MIS18BP1: variants seen among roughly 807,000 people sequenced by gnomAD.
MIS18BP1 encodes mis18-binding protein 1.
Under a neutral mutation model 116.1 loss-of-function variants are expected in MIS18BP1, and 72 were observed. The observed-to-expected ratio is 0.62, with a 90% CI of 0.51 to 0.75. The LOEUF is 0.75. Among genes scored for constraint, MIS18BP1 ranks in the 30% least tolerant of loss-of-function variants. The probability of loss-of-function intolerance (pLI) is 0.00; values close to 1 mark genes in which losing one functional copy is unlikely to be tolerated. For missense variants in MIS18BP1, 1,363 were observed against 1,303.2 expected, an observed-to-expected ratio of 1.05 and a Z score of -0.71; for synonymous variants, 386 against 427.0, an observed-to-expected ratio of 0.90 and a Z score of 1.18.
At chr14:45,252,875 C>G (rs1891917989) in intron 1 of MIS18BP1, among the ~76,000 whole-genome samples, 160 bp downstream of exon 1, 1 of 152,060 alleles carries the variant, frequency 6.6e-6, no homozygotes, top group African/African-American at 2.4e-5. Flanking sequence ...AGACACGCAA[C>G]AAGTAAACAT....
intron 5 of MIS18BP1, 85 bp from the exon 6 acceptor site, chr14:45,236,029 C>CA (rs1412601648): frequency 8.3e-7 from 1 of 1,207,606 alleles, no homozygotes; most frequent in Admixed American, 2.5e-5. Flanking sequence ...TTAGCTACAG[C>CA]AACACTAAGA....
At chr14:45,216,872 G>C in intron 13 of MIS18BP1, 147 bp downstream of exon 13, 1 of 799,632 alleles carries the variant, frequency 1.3e-6, no homozygotes, top group Non-Finnish European at 1.9e-6. Context: ...GCATATATCA[G>C]CACATTGTTT....
chr14:45,228,952 G>T (rs1891202032), intron 8 of MIS18BP1, among the ~76,000 whole-genome samples: 1 of 151,778 alleles, frequency 6.6e-6, no homozygotes, highest in South Asian at 2.1e-4. Context: ...TTTTTTTCAT[G>T]CAAAGTGCAA....
intron 11 of MIS18BP1, among the ~76,000 whole-genome samples, chr14:45,222,095 T>G (rs545143847): frequency 1.2e-4 from 18 of 152,352 alleles, no homozygotes; most frequent in Admixed American, 3.3e-4. Context: ...TTAGACGGTA[T>G]TTTTCTATCC....
rs747234494 is a variant in MIS18BP1, at chr14:45,206,129, T to C, written c.3194A>G (p.His1065Arg). 34 of 1,609,088 alleles carry C rather than the reference T, an allele frequency of 2.1e-5. No homozygotes were observed. The highest frequency in any genetic ancestry group is 2.9e-5 in the Non-Finnish European group (34 of 1,176,152). Reference protein sequence around the residue: ...DKYVFRMQKYHKSNGGIVWGN... With the variant: ...DKYVFRMQKYRKSNGGIVWGN... The stretch of plus-strand genomic sequence containing the variant: ...CCAGACAATACCACCATTACTTTTA[T>C]GATATTTTTGCATACGAAAAACATA... The change falls in exon 15 of 17, where the codon CAT (histidine) becomes CGT (arginine). Residue 1065 changes from histidine to arginine, a missense_variant. Transcript: ENST00000310806.
At chr14:45,230,053 A>G (rs1272511116) in intron 8 of MIS18BP1, among the ~76,000 whole-genome samples, 1 of 152,210 alleles carries the variant, frequency 6.6e-6, no homozygotes, top group Non-Finnish European at 1.5e-5. Context: ...GAGTGGTTAG[A>G]ATAGGATACA....
Position 45,242,319 on chromosome 14 carries a change from C to T in MIS18BP1, c.858G>A (p.Glu286=). The change falls in exon 4 of 17, where the codon GAG becomes GAA. Residue 286 remains glutamate, a synonymous_variant. Coordinates refer to ENST00000310806, the MANE Select transcript of MIS18BP1 (RefSeq NM_018353.5). The stretch of plus-strand genomic sequence containing the variant: ...TAGGAATACAATTAGTACTGAGAGT[C>T]TCAGCATTAGTATTTTGAAATTGTT... ...ADEQFQNTNA[E]TLSTNCIPIK... 1 of 1,614,022 alleles carries T rather than the reference C, an allele frequency of 6.2e-7. No individual in the cohort carries two copies. The highest frequency in any genetic ancestry group is 1.1e-5 in the South Asian group (1 of 91,076).
intron 4 of MIS18BP1, among the ~76,000 whole-genome samples, 191 bp from the exon 5 acceptor site, chr14:45,237,912 A>ATGT (rs1891472353): frequency 6.6e-6 from 1 of 152,170 alleles, no homozygotes; most frequent in African/African-American, 2.4e-5. Context: ...ACAGAAAAGA[A>ATGT]AAGACTGAAT....
Position 45,242,150 on chromosome 14 carries a change from C to A in MIS18BP1, c.1027G>T (p.Val343Leu). ...PGSMKDTCKI[V>L]LATPRLHITI... is the part of the protein sequence containing the mutation. ...ATATGAAGTCTTGGTGTTGCAAGTA[C>A]AATTTTACATGTATCTTTCATGGAA... Residue 343 changes from valine to leucine, a missense_variant, in exon 4 of 17, where the codon GTA (valine) becomes TTA (leucine). Val to Leu is a conservative substitution (Grantham distance 32, BLOSUM62 1). Coordinates refer to ENST00000310806, the MANE Select transcript of MIS18BP1 (RefSeq NM_018353.5). 1.9e-6 allele frequency: 3 copies of A among 1,614,036 alleles called. No individual in the cohort carries two copies. Among genetic ancestry groups the A allele is most frequent in the Non-Finnish European group, 2.5e-6 (3 of 1,179,996 alleles).
At chr14:45,210,097 C>A in intron 14 of MIS18BP1, 1 of 236,686 alleles carries the variant, frequency 4.2e-6, no homozygotes, top group Admixed American at 5.5e-5. Context: ...AATAATTCTC[C>A]AAGGTTTCTT....
chr14:45,228,852 A>G (rs1891196784), intron 8 of MIS18BP1, among the ~76,000 whole-genome samples: 1 of 152,242 alleles, frequency 6.6e-6, no homozygotes, highest in South Asian at 2.1e-4. Context: ...GCAAATCATT[A>G]AAACACATAC....
intron 5 of MIS18BP1, among the ~76,000 whole-genome samples, chr14:45,236,936 A>G (rs1011397586): frequency 6.6e-6 from 1 of 152,184 alleles, no homozygotes; most frequent in African/African-American, 2.4e-5. Context: ...CATAAAGCAG[A>G]CAGATAAAGA....
At chr14:45,210,304 G>C (rs1890640030) in intron 14 of MIS18BP1, 76 bp downstream of exon 14, 2 of 1,424,938 alleles carry the variant, frequency 1.4e-6, no homozygotes, top group Admixed American at 4.2e-5. Flanking sequence ...TGGCATCTAT[G>C]GTCCTCATGA....
At position 45,242,171 on chromosome 14, in the gene MIS18BP1, T is replaced by G; in HGVS notation, c.1006A>C (p.Met336Leu). Residue 336 changes from methionine (M) to leucine (L), a missense_variant, in exon 4 of 17, where the codon ATG becomes CTG. Physicochemically the swap from Met to Leu is conservative, Grantham distance 15 (BLOSUM62 2). Transcript: ENST00000310806. ...VPGETGLPGSMKDTCKIVLAT... is the reference protein window; with the variant it reads ...VPGETGLPGSLKDTCKIVLAT... ...AGTACAATTTTACATGTATCTTTCA[T>G]GGAACCTGGAAGACCTGTCTCTCCA... The G allele has an allele frequency of 6.2e-7, 1 of 1,614,146 alleles. No homozygotes were observed. Among genetic ancestry groups the G allele is most frequent in the Non-Finnish European group, 8.5e-7 (1 of 1,180,012 alleles).
rs148191206 is a variant in MIS18BP1, at chr14:45,229,895, A to C, written c.1594+1246T>G. ...AAATAGGATGACTTTTGATAAAAAG[A>C]GGAAGGGTTGAGAAGGAACTAGGGC... On this transcript the variant is annotated intron_variant, in intron 8 of 16. Transcript: ENST00000310806. 6.5e-4 allele frequency among the ~76,000 whole-genome samples: 99 copies of C among 152,330 alleles called. 1 individual carries two copies. The East Asian group carries it at 0.018, about 28-fold the overall frequency.
intron 13 of MIS18BP1, among the ~76,000 whole-genome samples, chr14:45,215,528 T>G (rs566078241): frequency 1.4e-4 from 22 of 152,246 alleles, no homozygotes; most frequent in African/African-American, 5.1e-4. Context: ...TTCTCCTGCC[T>G]CAGCCTCCCA....
chr14:45,229,633 GATA>G (rs1891221268), intron 8 of MIS18BP1, among the ~76,000 whole-genome samples: 1 of 152,040 alleles, frequency 6.6e-6, no homozygotes, highest in Admixed American at 6.6e-5. Context: ...ACACTTTACT[GATA>G]ATATTTGCAA....
In MIS18BP1 at chr14:45,224,371, G is replaced by C; in HGVS notation, c.2216C>G (p.Ser739Cys). The stretch of plus-strand genomic sequence containing the variant: ...TAGTCTGGTATTTTTCTTAAAGTCA[G>C]AGGTGAGCATTTGTTCCTTTTCAAG... ...SNLEKEQMLT[S>C]DFKKNTRLLP... The change falls in exon 11 of 17, where the codon TCT becomes TGT. Residue 739 changes from serine to cysteine, a missense_variant. Transcript: ENST00000310806. The C allele has an allele frequency of 3.7e-6, 6 of 1,613,624 alleles. No homozygotes were observed. The highest frequency in any genetic ancestry group is 5.1e-6 in the Non-Finnish European group (6 of 1,179,886).
At chr14:45,234,575 G>C (rs574472960) in intron 6 of MIS18BP1, among the ~76,000 whole-genome samples, 5 of 152,170 alleles carry the variant, frequency 3.3e-5, no homozygotes, top group Non-Finnish European at 7.3e-5. Flanking sequence ...TTGCCCATCT[G>C]AGAGAGGGTA....
Sources: allele counts gnomAD v4.1 joint callset (sites outside exome capture counted in the v4.1 genomes callset), GRCh38; gene constraint gnomAD v4.1.1; transcripts MANE v1.5; gene names NCBI Gene and HGNC (gene_info 2026-07-23, HGNC 2026-07-21).